The following KCNB2 variants were observed in gnomAD, a reference collection of about 807,000 sequenced individuals.
KCNB2 encodes potassium voltage-gated channel subfamily B member 2, also known as delayed rectifier potassium channel protein.
Under a neutral mutation model 61.5 loss-of-function variants are expected in KCNB2, and 15 were observed. That is an observed-to-expected ratio of 0.24 (90% CI 0.16 to 0.38). The LOEUF is 0.38. KCNB2 is among the 10% of genes least tolerant of loss of function. The pLI is 1.00. For missense variants in KCNB2, 828 were observed against 1,125.2 expected (o/e 0.74, Z 3.78); for synonymous variants, 457 against 446.0 (o/e 1.02, Z -0.31).
chr8:72,538,704 T>C (rs756723015), intron 1 of KCNB2, among the ~76,000 whole-genome samples: 1 of 152,192 alleles, frequency 6.6e-6, no homozygotes, highest in Non-Finnish European at 1.5e-5. Context: ...TTCCTTCTAA[T>C]CAAGTTGTGT....
At position 72,891,358 on chromosome 8, in the gene KCNB2, G is replaced by A. The variant is rs189452833; in HGVS notation, c.580-44577G>A. 2.8e-3 allele frequency among the ~76,000 whole-genome samples: 427 copies of A among 152,266 alleles called. 1 individual carries two copies. Among genetic ancestry groups the A allele is most frequent in the Non-Finnish European group, 4.8e-3 (326 of 68,014 alleles). On this transcript the variant is annotated intron_variant, in intron 2 of 2. Coordinates refer to ENST00000523207, the MANE Select transcript of KCNB2 (RefSeq NM_004770.3). ...TATAGTTGTGGGTTATGCAGGATGCGTTCCATAAAGCTCCACCACTGTCTT... is the reference window on the plus strand; with the variant it reads ...TATAGTTGTGGGTTATGCAGGATGCATTCCATAAAGCTCCACCACTGTCTT...
chr8:72,656,040 T>G (rs912632224), intron 2 of KCNB2, among the ~76,000 whole-genome samples: 3 of 152,104 alleles, frequency 2.0e-5, no homozygotes, highest in African/African-American at 2.4e-5. Context: ...GAAGGGACAT[T>G]GTGGGCAGAA....
intron 1 of KCNB2, among the ~76,000 whole-genome samples, chr8:72,549,701 T>C (rs769745627): frequency 8.5e-5 from 13 of 152,190 alleles, no homozygotes; most frequent in Non-Finnish European, 1.9e-4. Flanking sequence ...CACTCACTGG[T>C]TAATCCATGC....
At chr8:72,740,908 G>C (rs769959149) in intron 2 of KCNB2, among the ~76,000 whole-genome samples, 4 of 152,102 alleles carry the variant, frequency 2.6e-5, no homozygotes, top group Non-Finnish European at 4.4e-5. Flanking sequence ...CCTGAATATT[G>C]TAACTTTGGG....
intron 2 of KCNB2, among the ~76,000 whole-genome samples, chr8:72,826,046 G>A (rs908499514): frequency 6.6e-6 from 1 of 152,100 alleles, no homozygotes; most frequent in Non-Finnish European, 1.5e-5. Context: ...TCAGGTTTTG[G>A]TCTATTTTGA....
intron 2 of KCNB2, among the ~76,000 whole-genome samples, chr8:72,868,552 T>C (rs35256324): frequency 0.38 from 57,745 of 151,414 alleles, 11,204 homozygotes; most frequent in Non-Finnish European, 0.42. Flanking sequence ...CACTCCAGCC[T>C]GGCAACAAAG....
At chr8:72,696,780 T>C (rs1807025185) in intron 2 of KCNB2, among the ~76,000 whole-genome samples, 1 of 152,194 alleles carries the variant, frequency 6.6e-6, no homozygotes, top group Admixed American at 6.5e-5. Flanking sequence ...TAAAAGTTTC[T>C]CATTTAGATA....
chr8:72,780,972 C>G (rs545026539), intron 2 of KCNB2, among the ~76,000 whole-genome samples: 3 of 152,234 alleles, frequency 2.0e-5, no homozygotes, highest in African/African-American at 7.2e-5. Context: ...CTCTAATGAT[C>G]AGTGATGCTG....
intron 2 of KCNB2, among the ~76,000 whole-genome samples, chr8:72,724,956 T>C (rs919044450): frequency 6.6e-6 from 1 of 152,146 alleles, no homozygotes; most frequent in African/African-American, 2.4e-5. Flanking sequence ...ACCAAAGACA[T>C]GCTACTTTTT....
At position 72,937,724 on chromosome 8, in the gene KCNB2, A is replaced by G. The variant is rs1248802400; in HGVS notation, c.2369A>G (p.Lys790Arg). 2.5e-6 allele frequency: 4 copies of G among 1,614,028 alleles called. No individual in the cohort carries two copies. The East Asian group carries it at 6.7e-5, about 27-fold the overall frequency. ...PSKGLSPRFP[K>R]QKLFPFSSRE... ...AAAGGGCTGTCCCCCAGGTTTCCCAAGCAGAAACTGTTCCCTTTCTCTTCA... is the reference window on the plus strand; with the variant it reads ...AAAGGGCTGTCCCCCAGGTTTCCCAGGCAGAAACTGTTCCCTTTCTCTTCA... The change falls in exon 3 of 3, where the codon AAG (lysine) becomes AGG (arginine). Residue 790 changes from lysine (K) to arginine (R), a missense_variant. This residue lies in a region of KCNB2 where 559 missense variants were observed against 588.4 expected (regional missense o/e 0.95). Transcript: ENST00000523207.
intron 2 of KCNB2, among the ~76,000 whole-genome samples, chr8:72,675,788 G>A (rs770823476): frequency 1.3e-5 from 2 of 152,148 alleles, no homozygotes; most frequent in African/African-American, 2.4e-5. Context: ...TCCTGACCTC[G>A]TGATCCTCCC....
intron 2 of KCNB2, among the ~76,000 whole-genome samples, chr8:72,753,040 T>C (rs1808225405): frequency 6.6e-6 from 1 of 152,204 alleles, no homozygotes; most frequent in Non-Finnish European, 1.5e-5. Flanking sequence ...AAGGAGAGAT[T>C]CTGTCCTGAA....
chr8:72,707,778 T>C (rs1432785703), intron 2 of KCNB2, among the ~76,000 whole-genome samples: 1 of 152,218 alleles, frequency 6.6e-6, no homozygotes, highest in Non-Finnish European at 1.5e-5. Flanking sequence ...AGATATGATT[T>C]GGGAAATACA....
chr8:72,576,522 T>C (rs1334304647), intron 2 of KCNB2, among the ~76,000 whole-genome samples: 1 of 152,194 alleles, frequency 6.6e-6, no homozygotes, highest in Admixed American at 6.5e-5. Flanking sequence ...TAGAAGCTTT[T>C]CAAGATAACA....
intron 2 of KCNB2, among the ~76,000 whole-genome samples, chr8:72,657,665 C>A (rs952248675): frequency 2.6e-5 from 4 of 152,066 alleles, no homozygotes; most frequent in African/African-American, 9.7e-5. Context: ...AACTACAGCA[C>A]TGAAACTAAA....
chr8:72,609,437 A>G (rs1052533512), intron 2 of KCNB2, among the ~76,000 whole-genome samples: 1 of 152,242 alleles, frequency 6.6e-6, no homozygotes, highest in Non-Finnish European at 1.5e-5. Context: ...ACATTTAACC[A>G]TAGAAGAAGA....
chr8:72,713,556 G>C (rs1454345891), intron 2 of KCNB2, among the ~76,000 whole-genome samples: 1 of 152,192 alleles, frequency 6.6e-6, no homozygotes, highest in Non-Finnish European at 1.5e-5. Flanking sequence ...ACAGGGTCTG[G>C]AGTGGACCTC....
At chr8:72,821,631 C>CAA (rs1187637196) in intron 2 of KCNB2, among the ~76,000 whole-genome samples, 1 of 56,450 alleles carries the variant, frequency 1.8e-5, no homozygotes, top group African/African-American at 8.3e-5. Context: ...CACACACACA[C>CAA]AAAAAAAAAC....
At chr8:72,731,617 G>T (rs1385169713) in intron 2 of KCNB2, among the ~76,000 whole-genome samples, 1 of 152,196 alleles carries the variant, frequency 6.6e-6, no homozygotes, top group Non-Finnish European at 1.5e-5. Flanking sequence ...CAAGTGAGAG[G>T]CAGTGTTCAA....
Sources: allele counts gnomAD v4.1 joint callset (sites outside exome capture counted in the v4.1 genomes callset), GRCh38; gene constraint gnomAD v4.1.1; regional missense constraint gnomAD v4.1.1; transcripts MANE v1.5; gene names NCBI Gene and HGNC (gene_info 2026-07-23, HGNC 2026-07-21).